Variants in SPOP observed in about 807,000 individuals in gnomAD.
The protein encoded by SPOP is speckle type BTB/POZ protein.
Under a neutral mutation model 45.6 loss-of-function variants are expected in SPOP, and 11 were observed. The ratio of observed to expected loss-of-function variants is 0.24; its 90% CI spans 0.15 to 0.40. The LOEUF (loss-of-function observed/expected upper bound fraction) is 0.40, where lower values mean the gene tolerates loss of function less well. Ranked by LOEUF, SPOP falls within the 10% of genes least tolerant of loss-of-function variation. The probability of loss-of-function intolerance (pLI) is 1.00; values close to 1 mark genes in which losing one functional copy is unlikely to be tolerated. For synonymous variants in SPOP, 166 were observed against 166.3 expected, an observed-to-expected ratio of 1.00 and a Z score of 0.01; for missense variants, 152 against 465.6, an observed-to-expected ratio of 0.33 and a Z score of 6.20.
intron 1 of SPOP, among the ~76,000 whole-genome samples, chr17:49,625,949 G>A (rs1597934033): frequency 6.6e-6 from 1 of 152,314 alleles, no homozygotes; most frequent in East Asian, 1.9e-4. Context: ...CTGTTAATTA[G>A]GGATGACAGG....
chr17:49,661,514 C>A (rs182544614), intron 1 of SPOP, among the ~76,000 whole-genome samples: 1 of 152,156 alleles, frequency 6.6e-6, no homozygotes, highest in Non-Finnish European at 1.5e-5. Flanking sequence ...GTAACCTTCA[C>A]GAAGACAGTC....
intron 1 of SPOP, among the ~76,000 whole-genome samples, chr17:49,637,172 T>G (rs559765307): frequency 5.3e-5 from 8 of 152,096 alleles, no homozygotes; most frequent in African/African-American, 1.7e-4. Context: ...GGGCAGAGAT[T>G]CCGGTGACCT....
chr17:49,643,972 G>A (rs2072707734), intron 1 of SPOP, among the ~76,000 whole-genome samples: 1 of 148,772 alleles, frequency 6.7e-6, no homozygotes, highest in East Asian at 1.9e-4. Flanking sequence ...GAGTTAAAAA[G>A]TAGTAAAAGA....
At chr17:49,625,330 T>C (rs1168284254) in intron 1 of SPOP, among the ~76,000 whole-genome samples, 1 of 152,178 alleles carries the variant, frequency 6.6e-6, no homozygotes, top group Non-Finnish European at 1.5e-5. Context: ...TGAACTAGGC[T>C]GGACACGGTG....
At chr17:49,624,270 C>T (rs1229136318) in intron 1 of SPOP, among the ~76,000 whole-genome samples, 1 of 151,144 alleles carries the variant, frequency 6.6e-6, no homozygotes, top group Non-Finnish European at 1.5e-5. Flanking sequence ...TGGAAGTTTG[C>T]CAGAAGAGAT....
intron 1 of SPOP, among the ~76,000 whole-genome samples, chr17:49,648,137 A>T (rs573017766): frequency 1.3e-5 from 2 of 152,270 alleles, no homozygotes; most frequent in African/African-American, 2.4e-5. Context: ...TTTTTGTCCA[A>T]GCCAGAGTTT....
At chr17:49,603,319 TCA>T (rs986958173) in intron 8 of SPOP, among the ~76,000 whole-genome samples, 2 of 152,238 alleles carry the variant, frequency 1.3e-5, no homozygotes, top group African/African-American at 4.8e-5. Flanking sequence ...GCTGAAATGT[TCA>T]GTTTTTTATA....
intron 6 of SPOP, among the ~76,000 whole-genome samples, chr17:49,610,769 T>A (rs890013630): frequency 3.3e-5 from 5 of 152,196 alleles, no homozygotes; most frequent in Non-Finnish European, 7.3e-5. Flanking sequence ...CTCCTTGGTG[T>A]CAATCTCCCT....
chr17:49,653,152 C>T (rs1344721551), intron 1 of SPOP, among the ~76,000 whole-genome samples: 1 of 151,998 alleles, frequency 6.6e-6, no homozygotes, highest in Non-Finnish European at 1.5e-5. Flanking sequence ...CTCTAAGGTC[C>T]CTTCAGTGCT....
intron 1 of SPOP, among the ~76,000 whole-genome samples, chr17:49,630,622 A>T (rs28406522): frequency 0.012 from 1,834 of 151,168 alleles, 39 homozygotes; most frequent in East Asian, 0.093. Context: ...AATTTTTTTT[A>T]AAAAAAATTT....
intron 5 of SPOP, among the ~76,000 whole-genome samples, chr17:49,616,639 C>A (rs1181982241): frequency 2.0e-5 from 3 of 152,108 alleles, no homozygotes; most frequent in African/African-American, 7.2e-5. Context: ...CCAATACACA[C>A]CCCCACGCAA....
At chr17:49,621,052 C>T (rs1334658936) in intron 3 of SPOP, among the ~76,000 whole-genome samples, 1 of 152,194 alleles carries the variant, frequency 6.6e-6, no homozygotes, top group African/African-American at 2.4e-5. Flanking sequence ...CAGAGACTTG[C>T]GTTTTGGTCT....
rs184253142 is a variant in SPOP, at chr17:49,664,090, G to T, written c.-67+13843C>A. On this transcript the variant is annotated intron_variant, in intron 1 of 9. Coordinates refer to ENST00000504102, the MANE Select transcript of SPOP (RefSeq NM_001007228.2). Reference sequence around the variant, plus strand: ...AAAGATCCATTCAAGTGCAAGTCAGGTTAATGGATTTTAATGTAACAGTAA... The same window carrying T: ...AAAGATCCATTCAAGTGCAAGTCAGTTTAATGGATTTTAATGTAACAGTAA... Among the ~76,000 whole-genome samples, 167 of 152,302 alleles carry T rather than the reference G, an allele frequency of 1.1e-3. 1 individual carries two copies. The highest frequency in any genetic ancestry group is 3.8e-3 in the African/African-American group (160 of 41,578).
intron 1 of SPOP, among the ~76,000 whole-genome samples, chr17:49,664,494 C>T (rs773822675): frequency 3.2e-4 from 49 of 152,086 alleles, no homozygotes; most frequent in Non-Finnish European, 5.4e-4. Flanking sequence ...TTTTAAATGT[C>T]TTCCATTTTA....
chr17:49,633,901 A>T (rs1039220507), intron 1 of SPOP, among the ~76,000 whole-genome samples: 2 of 152,138 alleles, frequency 1.3e-5, no homozygotes, highest in Non-Finnish European at 2.9e-5. Flanking sequence ...GATCCAGCAG[A>T]ATAATGGCCG....
chr17:49,647,377 A>G (rs1001131205), intron 1 of SPOP, among the ~76,000 whole-genome samples: 6 of 148,576 alleles, frequency 4.0e-5, no homozygotes, highest in African/African-American at 1.2e-4. Context: ...GAGCACCATT[A>G]TTAATGGAGA....
At chr17:49,648,518 C>A (rs1051889289) in intron 1 of SPOP, among the ~76,000 whole-genome samples, 1 of 152,142 alleles carries the variant, frequency 6.6e-6, no homozygotes, top group African/African-American at 2.4e-5. Flanking sequence ...TCTTCTCTGA[C>A]CATAGCCAAA....
intron 1 of SPOP, among the ~76,000 whole-genome samples, chr17:49,631,633 A>G (rs1019074060): frequency 6.2e-4 from 94 of 152,296 alleles, no homozygotes; most frequent in African/African-American, 2.2e-3. Context: ...AGTAAAATCA[A>G]CCTTTTCATC....
chr17:49,651,873 G>T (rs946892177), intron 1 of SPOP, among the ~76,000 whole-genome samples: 2 of 152,118 alleles, frequency 1.3e-5, no homozygotes, highest in African/African-American at 4.8e-5. Context: ...ACAAAAATTA[G>T]CCAGGCGTGG....
Sources: allele counts gnomAD v4.1 joint callset (sites outside exome capture counted in the v4.1 genomes callset), GRCh38; gene constraint gnomAD v4.1.1; transcripts MANE v1.5; gene names NCBI Gene and HGNC (gene_info 2026-07-23, HGNC 2026-07-21).